Variants in ZC3H12B observed in about 807,000 individuals in gnomAD.
ZC3H12B encodes zinc finger CCCH-type containing 12B, also known as probable ribonuclease ZC3H12B.
ZC3H12B carries 7 observed loss-of-function variants against 43.9 expected under a neutral mutation model. That is an observed-to-expected ratio of 0.16 (90% CI 0.09 to 0.30). ZC3H12B has a LOEUF of 0.30. Ranked by LOEUF, ZC3H12B falls within the 10% of genes least tolerant of loss-of-function variation. The probability of loss-of-function intolerance (pLI) is 1.00; values close to 1 mark genes in which losing one functional copy is unlikely to be tolerated. For missense variants in ZC3H12B, 475 were observed against 670.2 expected (o/e 0.71, Z 3.22); for synonymous variants, 222 against 241.7 (o/e 0.92, Z 0.76).
chrX:65,369,583 G>A (rs2066218158), intron 2 of ZC3H12B, among the ~76,000 whole-genome samples: 2 of 111,150 alleles, frequency 1.8e-5, no homozygotes, highest in African/African-American at 3.3e-5. Flanking sequence ...TTAGTTTTTG[G>A]AGGAAAGTTT....
the ZC3H12B span, among the ~76,000 whole-genome samples, chrX:65,110,686 C>T: frequency 9.0e-6 from 1 of 111,509 alleles, no homozygotes; most frequent in African/African-American, 3.2e-5. Context: ...CCACTTTCTT[C>T]TTTTCAAAAT....
chrX:65,100,081 G>A, the ZC3H12B span, among the ~76,000 whole-genome samples: 2 of 111,558 alleles, frequency 1.8e-5, no homozygotes, highest in Non-Finnish European at 3.8e-5. Flanking sequence ...CGAGAACTTC[G>A]TGAAGGATAC....
At chrX:65,078,259 G>A in the ZC3H12B span, among the ~76,000 whole-genome samples, 1 of 112,187 alleles carries the variant, frequency 8.9e-6, no homozygotes, top group African/African-American at 3.2e-5. Flanking sequence ...TTCAAGGATG[G>A]AGATATAAAT....
At chrX:65,197,223 G>T in the ZC3H12B span, among the ~76,000 whole-genome samples, 2 of 111,733 alleles carry the variant, frequency 1.8e-5, no homozygotes, top group South Asian at 7.4e-4. Context: ...GGGGGAGGGA[G>T]CCAGCACAGG....
the ZC3H12B span, among the ~76,000 whole-genome samples, chrX:65,086,787 C>T: frequency 1.8e-5 from 2 of 111,850 alleles, no homozygotes; most frequent in East Asian, 5.6e-4. Context: ...TTATAAGCTA[C>T]CCAATTTATG....
chrX:65,352,327 G>A, the ZC3H12B span, among the ~76,000 whole-genome samples: 13 of 111,431 alleles, frequency 1.2e-4, no homozygotes, highest in Admixed American at 4.8e-4. Context: ...GGGGGTGGGA[G>A]GCTAGGGGAA....
At chrX:65,315,937 A>T in the ZC3H12B span, among the ~76,000 whole-genome samples, 1 of 111,917 alleles carries the variant, frequency 8.9e-6, no homozygotes, top group African/African-American at 3.2e-5. Context: ...AAGATCATAC[A>T]GGAGCTGAAA....
chrX:65,243,681 G>A, the ZC3H12B span, among the ~76,000 whole-genome samples: 1 of 112,245 alleles, frequency 8.9e-6, no homozygotes, highest in Non-Finnish European at 1.9e-5. Context: ...TATGTTTATT[G>A]CAGCACTTTT....
the ZC3H12B span, among the ~76,000 whole-genome samples, chrX:65,164,199 C>A: frequency 9.0e-5 from 10 of 111,240 alleles, no homozygotes; most frequent in East Asian, 2.6e-3. Flanking sequence ...TGGCCAGGGA[C>A]TAGGGAATAG....
intron 3 of ZC3H12B, among the ~76,000 whole-genome samples, chrX:65,459,973 C>A (rs1474555604): frequency 8.9e-6 from 1 of 111,836 alleles, no homozygotes; most frequent in Non-Finnish European, 1.9e-5. Flanking sequence ...CATCTCAGCC[C>A]AAAATCTCCT....
chrX:65,329,516 G>A, the ZC3H12B span, among the ~76,000 whole-genome samples: 419 of 89,119 alleles, frequency 4.7e-3, 3 homozygotes, highest in Non-Finnish European at 5.5e-3. Flanking sequence ...TCACTCTGAC[G>A]GAAGTTTCTT....
At chrX:65,416,459 G>A (rs2066961069) in intron 3 of ZC3H12B, among the ~76,000 whole-genome samples, 1 of 110,708 alleles carries the variant, frequency 9.0e-6, no homozygotes, top group Non-Finnish European at 1.9e-5. Context: ...CAGAACAGTA[G>A]CATCAACATC....
At chrX:65,199,904 T>C in the ZC3H12B span, among the ~76,000 whole-genome samples, 22 of 110,631 alleles carry the variant, frequency 2.0e-4, no homozygotes, top group Non-Finnish European at 7.6e-5. Flanking sequence ...AGTGCTGCAA[T>C]GAACATATGT....
chrX:65,419,408 G>T (rs780495190), intron 3 of ZC3H12B, among the ~76,000 whole-genome samples: 1 of 112,081 alleles, frequency 8.9e-6, no homozygotes, highest in Admixed American at 9.4e-5. Flanking sequence ...CACACTTGTG[G>T]TCAGCAAATG....
upstream of ZC3H12B, among the ~76,000 whole-genome samples, chrX:65,487,306 C>A (rs571074702): frequency 1.8e-5 from 2 of 112,264 alleles, no homozygotes; most frequent in South Asian, 3.7e-4. Flanking sequence ...TTTGGGAAGC[C>A]GAGGAGGGTG....
exon 2 of ZC3H12B, chrX:65,497,136 G>C (rs1360887581): frequency 1.7e-6 from 2 of 1,205,421 alleles, no homozygotes; most frequent in Non-Finnish European, 2.2e-6. Context: ...CCTAAGCCAT[G>C]GGAATAAAGA....
chrX:65,073,426 C>T, the ZC3H12B span, among the ~76,000 whole-genome samples: 2 of 112,083 alleles, frequency 1.8e-5, no homozygotes, highest in African/African-American at 3.2e-5. Flanking sequence ...CCCCAGGGCA[C>T]CTGAAGCCAC....
chrX:65,122,872 C>G, the ZC3H12B span, among the ~76,000 whole-genome samples: 5 of 111,517 alleles, frequency 4.5e-5, no homozygotes. Flanking sequence ...CAGGAGCACC[C>G]AGATTCATAA....
the ZC3H12B span, among the ~76,000 whole-genome samples, chrX:65,310,357 A>G: frequency 5.4e-5 from 6 of 111,700 alleles, no homozygotes; most frequent in Non-Finnish European, 9.4e-5. Flanking sequence ...TACACCAATA[A>G]CAGACAAACG....
Sources: gnomAD v4.1 joint callset for allele counts (sites outside exome capture counted in the v4.1 genomes callset) on GRCh38, gnomAD v4.1.1 for gene constraint, MANE v1.5 for transcripts, NCBI Gene and HGNC (gene_info 2026-07-23, HGNC 2026-07-21) for gene names.